The following ARMC2 variants were observed in gnomAD, a reference collection of about 807,000 sequenced individuals.
ARMC2 encodes armadillo repeat containing 2, also known as armadillo repeat-containing protein 2.
ARMC2 carries 67 observed loss-of-function variants against 90.3 expected under a neutral mutation model. The observed-to-expected ratio is 0.74, with a 90% CI of 0.61 to 0.91. The LOEUF (loss-of-function observed/expected upper bound fraction) is 0.91, where lower values mean the gene tolerates loss of function less well. Among genes scored for constraint, ARMC2 ranks in the 40% least tolerant of loss-of-function variants. The pLI is 0.00. For missense variants in ARMC2, 920 were observed against 1,030.9 expected, an observed-to-expected ratio of 0.89 and a Z score of 1.47; for synonymous variants, 393 against 393.0, an observed-to-expected ratio of 1.00 and a Z score of 0.00.
chr6:108,952,935 C>T (rs965174950), intron 12 of ARMC2, 98 bp from the exon 13 acceptor site: 2 of 1,159,686 alleles, frequency 1.7e-6, no homozygotes, highest in African/African-American at 1.6e-5. Flanking sequence ...TTCCATTTTA[C>T]TATTAATGCA....
the ARMC2 span, among the ~76,000 whole-genome samples, chr6:108,988,050 T>C: frequency 6.1e-3 from 933 of 152,294 alleles, 10 homozygotes; most frequent in African/African-American, 0.021. Flanking sequence ...TGCCTTGGCC[T>C]CCCCAAGTGC....
At chr6:109,012,244 CT>C in the ARMC2 span, among the ~76,000 whole-genome samples, 1,160 of 138,850 alleles carry the variant, frequency 8.4e-3, 6 homozygotes, top group African/African-American at 0.021. Flanking sequence ...TTTGATATTT[CT>C]TTTTTTTTTT....
the ARMC2 span, among the ~76,000 whole-genome samples, chr6:109,037,484 CAATGCAATTATTAA>C: frequency 2.6e-5 from 4 of 152,074 alleles, no homozygotes; most frequent in Admixed American, 1.3e-4. Context: ...CTCCATTACA[CAATGCAATTATTAA>C]TATATTCAGC....
At chr6:108,936,066 G>A (rs1370035848) in intron 11 of ARMC2, among the ~76,000 whole-genome samples, 2 of 152,074 alleles carry the variant, frequency 1.3e-5, no homozygotes, top group Non-Finnish European at 2.9e-5. Context: ...TTTGTTGTGG[G>A]TTTGTCAATA....
intron 10 of ARMC2, among the ~76,000 whole-genome samples, chr6:108,925,191 G>T (rs1396152727): frequency 6.6e-6 from 1 of 152,138 alleles, no homozygotes; most frequent in Non-Finnish European, 1.5e-5. Flanking sequence ...CCTGAGCTGG[G>T]TAACTACAGA....
At chr6:108,968,320 AAAAC>A (rs1562440417) in intron 17 of ARMC2, among the ~76,000 whole-genome samples, 2 of 152,224 alleles carry the variant, frequency 1.3e-5, no homozygotes, top group African/African-American at 2.4e-5. Context: ...TTCCCATCCG[AAAAC>A]AAACAACTAG....
At chr6:109,020,190 CT>C in the ARMC2 span, among the ~76,000 whole-genome samples, 1 of 151,754 alleles carries the variant, frequency 6.6e-6, no homozygotes, top group African/African-American at 2.4e-5. Flanking sequence ...TTCTTTTTTT[CT>C]TTTTTTTATG....
In ARMC2 at chr6:108,876,065, A is replaced by T. The variant is rs531694293; in HGVS notation, c.464-78A>T. 3 of 1,196,738 alleles carry T rather than the reference A, an allele frequency of 2.5e-6. No homozygotes were observed. In the African/African-American group the frequency reaches 4.7e-5, roughly 19 times the overall value. The allele number at this position is 1,196,738 out of a possible 1,614,324, so 74.1% of individuals were successfully genotyped here. A position where few individuals can be genotyped will look rare whatever the true frequency, so the allele number is the denominator to read the frequency against. ...ACTTTTAAATCATATAAATTCTTAGATTGAAAAATAACATTGAAAGGTAGT... is the reference window on the plus strand; with the variant it reads ...ACTTTTAAATCATATAAATTCTTAGTTTGAAAAATAACATTGAAAGGTAGT... On this transcript the variant is annotated intron_variant, in intron 4 of 17. Coordinates refer to ENST00000392644, the MANE Select transcript of ARMC2 (RefSeq NM_032131.6).
chr6:108,914,761 A>C (rs1451150871), intron 10 of ARMC2, among the ~76,000 whole-genome samples: 1 of 152,148 alleles, frequency 6.6e-6, no homozygotes, highest in Non-Finnish European at 1.5e-5. Flanking sequence ...GTATCATACA[A>C]ATGATAAAAT....
At chr6:108,993,358 G>A in the ARMC2 span, among the ~76,000 whole-genome samples, 2 of 152,234 alleles carry the variant, frequency 1.3e-5, no homozygotes, top group South Asian at 2.1e-4. Context: ...TTACAGTGCT[G>A]CCTGCACTGT....
intron 10 of ARMC2, among the ~76,000 whole-genome samples, chr6:108,913,527 C>T (rs1395491902): frequency 2.0e-5 from 3 of 151,998 alleles, no homozygotes; most frequent in African/African-American, 7.2e-5. Flanking sequence ...CCAGTGTTAT[C>T]GAATCATTTA....
At chr6:108,925,332 T>C (rs1358867908) in intron 10 of ARMC2, among the ~76,000 whole-genome samples, 1 of 152,220 alleles carries the variant, frequency 6.6e-6, no homozygotes, top group Non-Finnish European at 1.5e-5. Context: ...TTTGTAGATG[T>C]CCACCCCTTC....
chr6:109,051,776 C>T, the ARMC2 span, among the ~76,000 whole-genome samples: 5 of 152,114 alleles, frequency 3.3e-5, no homozygotes, highest in Non-Finnish European at 5.9e-5. Context: ...GCTGGAAAGT[C>T]CAGGGTCAAG....
At chr6:109,046,934 C>T in the ARMC2 span, among the ~76,000 whole-genome samples, 1 of 120,660 alleles carries the variant, frequency 8.3e-6, no homozygotes, top group African/African-American at 3.0e-5. Flanking sequence ...CGGCAGCCAC[C>T]CCATCTGGGA....
rs1405909782 is a variant in ARMC2 at position 108,964,235 on chromosome 6, T to C, written c.2208T>C (p.Ser736=). 6.2e-7 allele frequency: 1 copy of C among 1,614,024 alleles called. No individual in the cohort carries two copies. The highest frequency in any genetic ancestry group is 2.2e-5 in the East Asian group (1 of 44,884). ...CTCAGCATCAGGATATCTGCTTTTC[T>C]GCCTGTGGTGTTCTCCTCAATCTCA... ...LDAQHQDICF[S]ACGVLLNLTV... is the part of the protein sequence containing the mutation. The change falls in exon 16 of 18, where the codon TCT becomes TCC. Residue 736 remains serine (S), a synonymous_variant. Transcript: ENST00000392644.
At chr6:108,995,451 C>G in the ARMC2 span, among the ~76,000 whole-genome samples, 2 of 152,202 alleles carry the variant, frequency 1.3e-5, no homozygotes, top group Admixed American at 1.3e-4. Flanking sequence ...GCAGCTGTCA[C>G]TTGCTGGGAT....
the ARMC2 span, among the ~76,000 whole-genome samples, chr6:108,989,990 A>G: frequency 6.6e-6 from 1 of 152,182 alleles, no homozygotes; most frequent in Non-Finnish European, 1.5e-5. Context: ...CAAATGCCAG[A>G]TCCGTTTAGA....
At chr6:108,948,712 G>A (rs990960757) in intron 12 of ARMC2, among the ~76,000 whole-genome samples, 8 of 151,508 alleles carry the variant, frequency 5.3e-5, no homozygotes, top group African/African-American at 1.9e-4. Context: ...TACTAATCTC[G>A]GCCACGTTAG....
chr6:108,995,889 A>G, the ARMC2 span, among the ~76,000 whole-genome samples: 1 of 152,188 alleles, frequency 6.6e-6, no homozygotes, highest in African/African-American at 2.4e-5. Context: ...TAAGACCTCT[A>G]TCTTCCATTC....
Sources: gnomAD v4.1 joint callset for allele counts (sites outside exome capture counted in the v4.1 genomes callset) on GRCh38, gnomAD v4.1.1 for gene constraint, MANE v1.5 for transcripts, NCBI Gene and HGNC (gene_info 2026-07-23, HGNC 2026-07-21) for gene names.